The following ZFP2 variants were observed in gnomAD, a reference collection of about 807,000 sequenced individuals.
The protein encoded by ZFP2 is zinc finger protein ZFP2.
In ZFP2, 33 loss-of-function variants were observed where a neutral mutation model predicts 36.1. The observed-to-expected ratio is 0.92, with a 90% CI of 0.69 to 1.22. The LOEUF is 1.22. Ranked by LOEUF, ZFP2 falls within the 50% of genes most tolerant of loss-of-function variation. The pLI is 0.00. For missense variants in ZFP2, 522 were observed against 551.4 expected (o/e 0.95, Z 0.53); for synonymous variants, 170 against 178.0 (o/e 0.96, Z 0.36).
intron 1 of ZFP2, among the ~76,000 whole-genome samples, chr5:178,912,216 C>T (rs1463246305): frequency 6.6e-6 from 1 of 152,196 alleles, no homozygotes; most frequent in Non-Finnish European, 1.5e-5. Context: ...TTGCTATCGA[C>T]CTCATCTGTT....
chr5:178,916,219 C>T (rs1758427988), intron 3 of ZFP2, among the ~76,000 whole-genome samples: 1 of 151,980 alleles, frequency 6.6e-6, no homozygotes, highest in African/African-American at 2.4e-5. Context: ...AATGAAAATG[C>T]CTGTTGGATT....
chr5:178,899,110 G>T (rs1757995616), intron 1 of ZFP2, among the ~76,000 whole-genome samples: 1 of 151,982 alleles, frequency 6.6e-6, no homozygotes, highest in East Asian at 1.9e-4. Flanking sequence ...CATCTCAGGG[G>T]TTGGGAAGGG....
At chr5:178,910,543 G>T (rs1581832769) in intron 1 of ZFP2, 1 of 533,598 alleles carries the variant, frequency 1.9e-6, no homozygotes, top group Admixed American at 2.4e-5. Context: ...TGGGGTCATG[G>T]TCTGCATTCT....
intron 4 of ZFP2, among the ~76,000 whole-genome samples, chr5:178,924,360 G>C (rs1199208487): frequency 9.4e-6 from 1 of 106,718 alleles, no homozygotes; most frequent in Non-Finnish European, 2.0e-5. Context: ...ATGACAGAGA[G>C]AGACTCTGTC....
At chr5:178,900,018 T>A (rs973538062) in intron 1 of ZFP2, among the ~76,000 whole-genome samples, 1 of 152,136 alleles carries the variant, frequency 6.6e-6, no homozygotes, top group Non-Finnish European at 1.5e-5. Context: ...AAATAACTTT[T>A]AAAATGGGGG....
Position 178,932,260 on chromosome 5 carries a change from A to G in ZFP2, c.947A>G (p.His316Arg). The change falls in exon 5 of 5, where the codon CAT (histidine) becomes CGT (arginine). Residue 316 changes from histidine to arginine, a missense_variant. His to Arg is a conservative substitution (Grantham distance 29, BLOSUM62 0). Transcript: ENST00000361362. Reference sequence around the variant, plus strand: ...AGCCAAAGTACATATCTTATAGAACATCAGAGACTTCATTCTGGAGTAAAA... The same window carrying G: ...AGCCAAAGTACATATCTTATAGAACGTCAGAGACTTCATTCTGGAGTAAAA... ...SFSQSTYLIE[H>R]QRLHSGVKPF... is the part of the protein sequence containing the mutation. 6.2e-7 allele frequency: 1 copy of G among 1,614,240 alleles called. No individual in the cohort carries two copies. The highest frequency in any genetic ancestry group is 1.1e-5 in the South Asian group (1 of 91,090).
chr5:178,929,341 C>G (rs544466793), intron 4 of ZFP2, among the ~76,000 whole-genome samples: 3 of 151,118 alleles, frequency 2.0e-5, no homozygotes, highest in African/African-American at 7.3e-5. Flanking sequence ...GTTCCACTTA[C>G]TCCCTTTTAA....
At chr5:178,926,659 G>A (rs1020547838) in intron 4 of ZFP2, among the ~76,000 whole-genome samples, 10 of 152,154 alleles carry the variant, frequency 6.6e-5, no homozygotes, top group African/African-American at 2.4e-4. Context: ...TGGGACTACA[G>A]GTGTGTGCCA....
chr5:178,931,210 T>G lies in ZFP2; in HGVS notation c.-77-27T>G, dbSNP rs540462201. On this transcript the variant is annotated intron_variant, in intron 4 of 4. Transcript: ENST00000361362. ...CAGTCTCCTAGCACAGAAACCAATG[T>G]GCATTTGAATTTTTTTTTTTTTTCA... is the stretch of plus-strand genomic sequence containing the variant. The G allele has an allele frequency of 3.2e-3, 4,784 of 1,500,206 alleles. 15 individuals carry two copies. The highest frequency in any genetic ancestry group is 3.8e-3 in the Non-Finnish European group (4,331 of 1,130,154). 92.9% of individuals were successfully genotyped at this position (1,500,206 alleles called of 1,614,324 possible). A position where few individuals can be genotyped will look rare whatever the true frequency, so the allele number is the denominator to read the frequency against.
At chr5:178,912,499 A>T (rs1169775486) in intron 1 of ZFP2, 85 bp from the exon 2 acceptor site, 1 of 210,644 alleles carries the variant, frequency 4.7e-6, no homozygotes, top group Admixed American at 6.5e-5. Flanking sequence ...TTTCTCAGGC[A>T]GATCTTTGTC....
rs569601199 is a variant in ZFP2, at chr5:178,918,995, A to G, written c.-78+2285A>G. Among the ~76,000 whole-genome samples the G allele has an allele frequency of 5.8e-4, 89 of 152,332 alleles. 2 individuals carry two copies. In the South Asian group the frequency reaches 0.018, roughly 31 times the overall value. On this transcript the variant is annotated intron_variant, in intron 4 of 4. Coordinates refer to ENST00000361362, the MANE Select transcript of ZFP2 (RefSeq NM_030613.4). ...TTTCATTTTGTAGGTAGACAGTTAT[A>G]TAATCTGGGAAAAATTAAAAATTTC... is the stretch of plus-strand genomic sequence containing the variant.
intron 3 of ZFP2, among the ~76,000 whole-genome samples, chr5:178,914,993 A>G (rs578165586): frequency 1.3e-5 from 2 of 152,274 alleles, no homozygotes; most frequent in South Asian, 4.1e-4. Context: ...ATCTATTTGT[A>G]CTATCATTTT....
intron 4 of ZFP2, among the ~76,000 whole-genome samples, chr5:178,921,115 T>C (rs945206158): frequency 1.7e-4 from 26 of 152,148 alleles, no homozygotes; most frequent in South Asian, 2.1e-4. Context: ...CTGTGGCCAG[T>C]ATGGAATTTA....
Position 178,932,675 on chromosome 5 carries a change from A to G in ZFP2, c.1362A>G (p.Thr454=). The change falls in exon 5 of 5, where the codon ACA becomes ACG. Residue 454 remains threonine (T), a synonymous_variant. Transcript: ENST00000361362. ...CCTTCAGCCGGAGTACAAACCTTAC[A>G]CGACATCAAAGAACTCATACGTGAG... is the stretch of plus-strand genomic sequence containing the variant. ...GKAFSRSTNL[T]RHQRTHT is the part of the protein sequence containing the mutation. The G allele has an allele frequency of 6.2e-7, 1 of 1,605,100 alleles. No individual in the cohort carries two copies.
In ZFP2 at chr5:178,932,063, C is replaced by G; in HGVS notation, c.750C>G (p.Ala250=). The G allele has an allele frequency of 6.2e-7, 1 of 1,614,004 alleles. No individual in the cohort carries two copies. Among genetic ancestry groups the G allele is most frequent in the Non-Finnish European group, 8.5e-7 (1 of 1,179,996 alleles). The change falls in exon 5 of 5, where the codon GCC becomes GCG. Residue 250 remains alanine, a synonymous_variant. Coordinates refer to ENST00000361362, the MANE Select transcript of ZFP2 (RefSeq NM_030613.4). ...ATGAATGTAATGAATGTGGAAAAGC[C>G]TTCAGTCAAAGCATGCATCTTATTG... ...KPYECNECGK[A]FSQSMHLIVH...
At position 178,931,755 on chromosome 5, in the gene ZFP2, C is replaced by T; in HGVS notation, c.442C>T (p.His148Tyr). The change falls in exon 5 of 5, where the codon CAT (histidine) becomes TAT (tyrosine). Residue 148 changes from histidine to tyrosine, a missense_variant. His to Tyr is a moderately conservative substitution (Grantham distance 83). Transcript: ENST00000361362. ...HFIERSSLTV[H>Y]QRIHTGEKPY... is the part of the protein sequence containing the mutation. ...CATTGAACGATCCTCCCTTACTGTACATCAAAGAATTCATACTGGAGAGAA... is the reference window on the plus strand; with the variant it reads ...CATTGAACGATCCTCCCTTACTGTATATCAAAGAATTCATACTGGAGAGAA... 6.2e-7 allele frequency: 1 copy of T among 1,614,118 alleles called. No homozygotes were observed.
At chr5:178,924,512 C>T (rs1758627011) in intron 4 of ZFP2, among the ~76,000 whole-genome samples, 1 of 148,876 alleles carries the variant, frequency 6.7e-6, no homozygotes, top group Non-Finnish European at 1.5e-5. Context: ...TTCTGCTTCT[C>T]TTTTTAGTTA....
At position 178,913,039 on chromosome 5, in the gene ZFP2, T is replaced by G. The variant is rs1247508124; in HGVS notation, c.-256T>G. 2.0e-6 allele frequency: 2 copies of G among 985,774 alleles called. No individual in the cohort carries two copies. The highest frequency in any genetic ancestry group is 1.2e-4 in the Admixed American group (2 of 16,268). 61.1% of individuals were successfully genotyped at this position (985,774 alleles called of 1,614,324 possible). A position where few individuals can be genotyped will look rare whatever the true frequency, so the allele number is the denominator to read the frequency against. ...CAGCTGGAACGAGAACTGAGTCTGATGCAAAAAGAACCGCCTGAGGGTGGC... is the reference window on the plus strand; with the variant it reads ...CAGCTGGAACGAGAACTGAGTCTGAGGCAAAAAGAACCGCCTGAGGGTGGC... On this transcript the variant is annotated 5_prime_UTR_variant, in exon 3 of 5. It removes an upstream start codon present in the reference 5' UTR. Transcript: ENST00000361362.
chr5:178,918,231 TTGAA>T (rs899185880), intron 4 of ZFP2, among the ~76,000 whole-genome samples: 2 of 152,218 alleles, frequency 1.3e-5, no homozygotes, highest in Non-Finnish European at 2.9e-5. Context: ...TAAGTATTTA[TTGAA>T]TGAATGATTT....
Sources: allele counts gnomAD v4.1 joint callset (sites outside exome capture counted in the v4.1 genomes callset), GRCh38; gene constraint gnomAD v4.1.1; transcripts MANE v1.5; gene names NCBI Gene and HGNC (gene_info 2026-07-23, HGNC 2026-07-21).